ZNF414: variants seen among roughly 807,000 people sequenced by gnomAD.
ZNF414 encodes the protein zinc finger protein 414.
ZNF414 carries 32 observed loss-of-function variants against 38.3 expected under a neutral mutation model. The ratio of observed to expected loss-of-function variants is 0.83; its 90% CI spans 0.63 to 1.12. The LOEUF (loss-of-function observed/expected upper bound fraction) is 1.12. ZNF414 is among the 50% of genes most tolerant of loss of function. The probability of loss-of-function intolerance (pLI) is 0.00; values close to 1 mark genes in which losing one functional copy is unlikely to be tolerated. For missense variants in ZNF414, 589 were observed against 557.4 expected (o/e 1.06, Z -0.57); for synonymous variants, 256 against 248.0 (o/e 1.03, Z -0.30).
At chr19:8,511,334 A>T (rs1971909903) in intron 6 of ZNF414, 152 bp downstream of exon 6, 1 of 1,451,798 alleles carries the variant, frequency 6.9e-7, no homozygotes, top group East Asian at 2.6e-5. Flanking sequence ...GGTGCCAGTC[A>T]TTTTTAAGGC....
At position 8,511,945 on chromosome 19, in the gene ZNF414, G is replaced by C. The variant is rs570050967; in HGVS notation, c.546C>G (p.Leu182=). Residue 182 remains leucine (L), a synonymous_variant, in exon 5 of 8, where the codon CTC becomes CTG. Coordinates refer to ENST00000393927, the MANE Select transcript of ZNF414 (RefSeq NM_001146175.2). ...GCGAGCGGTGCGTGCGGAAGCGCAG[G>C]AGGCAGTTCTCACACCTGGAGGTGG... ...PNRYFKCENC[L]LRFRTHRSLF... 5.3e-5 allele frequency: 75 copies of C among 1,419,590 alleles called. No homozygotes were observed. The highest frequency in any genetic ancestry group is 6.8e-5 in the Non-Finnish European group (74 of 1,095,660). The allele number at this position is 1,419,590 out of a possible 1,614,324, so 87.9% of individuals were successfully genotyped here.
chr19:8,511,331 G>C lies in ZNF414; in HGVS notation c.925+155C>G, dbSNP rs538209989. The C allele has an allele frequency of 7.6e-6, 11 of 1,450,030 alleles. 1 individual carries two copies. The African/African-American group carries it at 1.4e-4, about 19-fold the overall frequency. The allele number at this position is 1,450,030 out of a possible 1,614,324, so 89.8% of individuals were successfully genotyped here. A position where few individuals can be genotyped will look rare whatever the true frequency, so the allele number is the denominator to read the frequency against. ...GGCGCAGATGAAGGCGCAGGTGCCA[G>C]TCATTTTTAAGGCAAAAATCCTGTA... On this transcript the variant is annotated intron_variant, in intron 6 of 7. Transcript: ENST00000393927.
Position 8,511,633 on chromosome 19 carries a change from GA to G in ZNF414, c.857del (p.Val286AlafsTer55). 1 of 1,508,562 alleles carries G rather than the reference GA, an allele frequency of 6.6e-7. No homozygotes were observed. The highest frequency in any genetic ancestry group is 8.8e-7 in the Non-Finnish European group (1 of 1,132,424). 93.4% of individuals were successfully genotyped at this position (1,508,562 alleles called of 1,614,324 possible). A position where few individuals can be genotyped will look rare whatever the true frequency, so the allele number is the denominator to read the frequency against. On this transcript the variant is annotated frameshift_variant, in exon 5 of 8. Coordinates refer to ENST00000393927, the MANE Select transcript of ZNF414 (RefSeq NM_001146175.2). LOFTEE classifies it high-confidence loss of function. ...CACACTCACCTTGGCTCTTTTTCCA[GA>G]CGGCGGCGCTGGAAGCCGGCGGCCC... is the stretch of plus-strand genomic sequence containing the variant. ...APGPPASSAA[V>X]WKKSQGAGSS...
rs1458293998 is a variant in ZNF414, at chr19:8,510,352, G to A, written c.*339C>T. 8.4e-6 allele frequency: 2 copies of A among 237,264 alleles called. No homozygotes were observed. The highest frequency in any genetic ancestry group is 1.1e-4 in the Admixed American group (2 of 17,776). 14.7% of individuals were successfully genotyped at this position (237,264 alleles called of 1,614,324 possible). A position where few individuals can be genotyped will look rare whatever the true frequency, so the allele number is the denominator to read the frequency against. ...AACTGGAGAGTCCCCATCCCATTTG[G>A]TTTCTGGACAAGGGAGAACGCTGCC... On this transcript the variant is annotated 3_prime_UTR_variant, in exon 8 of 8. Transcript: ENST00000393927.
At chr19:8,513,963 C>T (rs1195486343) in intron 1 of ZNF414, 81 bp downstream of exon 1, 2 of 1,328,144 alleles carry the variant, frequency 1.5e-6, no homozygotes, top group African/African-American at 1.5e-5. Context: ...CGGGGTCGGC[C>T]GGAGGCTGTA....
chr19:8,511,842 G>T lies in ZNF414; in HGVS notation c.649C>A (p.Pro217Thr). Reference protein sequence around the residue: ...PPPPPALDREPPAPERPPEVD... With the variant: ...PPPPPALDRETPAPERPPEVD... ...TCCGGGGGGCGCTCCGGCGCGGGCG[G>T]CTCTCGGTCCAGGGCCGGGGGTGGC... Residue 217 changes from proline to threonine, a missense_variant, in exon 5 of 8, where the codon CCG becomes ACG. By Grantham distance (38) the Pro-to-Thr change is conservative. Transcript: ENST00000393927. 1 of 1,401,248 alleles carries T rather than the reference G, an allele frequency of 7.1e-7. No homozygotes were observed. Among genetic ancestry groups the T allele is most frequent in the Non-Finnish European group, 9.2e-7 (1 of 1,086,040 alleles). 86.8% of individuals were successfully genotyped at this position (1,401,248 alleles called of 1,614,324 possible).
chr19:8,512,653 G>A lies in ZNF414; in HGVS notation c.375C>T (p.Asp125=), dbSNP rs1260006046. ...AGTGGGTTCGCAGATGCTGTGCCAG[G>A]TCACGGACGCTGGGAAAACTGAGGC... ...GCCLSFPSVR[D]LAQHLRTHCP... The change falls in exon 3 of 8, where the codon GAC becomes GAT. Residue 125 remains aspartate (D), a synonymous_variant. Transcript: ENST00000393927. 6.3e-7 allele frequency: 1 copy of A among 1,591,478 alleles called. No homozygotes were observed. Among genetic ancestry groups the A allele is most frequent in the Admixed American group, 1.8e-5 (1 of 55,934 alleles).
rs1971898663 is a variant in ZNF414, at chr19:8,510,554, T to C, written c.*137A>G. On this transcript the variant is annotated 3_prime_UTR_variant, in exon 8 of 8. Coordinates refer to ENST00000393927, the MANE Select transcript of ZNF414 (RefSeq NM_001146175.2). ...GGGCTCGAGCCCACTATGCTTTGGATGGACAAGGGATGGGAACACAGCATA... is the reference window on the plus strand; with the variant it reads ...GGGCTCGAGCCCACTATGCTTTGGACGGACAAGGGATGGGAACACAGCATA... 9.8e-7 allele frequency: 1 copy of C among 1,022,056 alleles called. No individual in the cohort carries two copies. Among genetic ancestry groups the C allele is most frequent in the Non-Finnish European group, 1.4e-6 (1 of 724,650 alleles). The allele number at this position is 1,022,056 out of a possible 1,614,324, so 63.3% of individuals were successfully genotyped here. A position where few individuals can be genotyped will look rare whatever the true frequency, so the allele number is the denominator to read the frequency against.
chr19:8,510,294 G>GA lies in ZNF414; in HGVS notation c.*396dup, dbSNP rs1200184003. On this transcript the variant is annotated 3_prime_UTR_variant, in exon 8 of 8. Coordinates refer to ENST00000393927, the MANE Select transcript of ZNF414 (RefSeq NM_001146175.2). ...GACAGAGCAAGACTGTCTCAAAAAA[G>GA]AAAAAAAAAAAAAGAAAAAAAAAAA... The GA allele has an allele frequency of 0.019, 477 of 25,544 alleles. 7 individuals are homozygous for GA. Among genetic ancestry groups the GA allele is most frequent in the African/African-American group, 0.042 (391 of 9,410 alleles). The allele number at this position is 25,544 out of a possible 1,614,324, so 1.6% of individuals were successfully genotyped here. A position where few individuals can be genotyped will look rare whatever the true frequency, so the allele number is the denominator to read the frequency against.
At position 8,510,700 on chromosome 19, in the gene ZNF414, C is replaced by T. The variant is rs1036568826; in HGVS notation, c.1164G>A (p.Ser388=). The change falls in exon 8 of 8, where the codon TCG becomes TCA. Residue 388 remains serine, a synonymous_variant. Transcript: ENST00000393927. ...CCCAAAGCGGCGGGATTCAGAGCTGCGAGAACACTGGAAGCTCCCCCTCTG... is the reference window on the plus strand; with the variant it reads ...CCCAAAGCGGCGGGATTCAGAGCTGTGAGAACACTGGAAGCTCCCCCTCTG... The part of the protein sequence containing the change: ...LLSEGELPVF[S]QL The T allele has an allele frequency of 1.0e-5, 16 of 1,547,514 alleles. No homozygotes were observed. Among genetic ancestry groups the T allele is most frequent in the African/African-American group, 1.4e-5 (1 of 72,854 alleles).
intron 1 of ZNF414, 26 bp downstream of exon 1, chr19:8,514,018 G>C: frequency 6.9e-7 from 1 of 1,451,346 alleles, no homozygotes; most frequent in Non-Finnish European, 9.1e-7. Context: ...GCTCCGCCGC[G>C]CCCGCGACCC....
chr19:8,511,396 G>C, intron 6 of ZNF414, 90 bp downstream of exon 6: 2 of 1,537,502 alleles, frequency 1.3e-6, no homozygotes, highest in Non-Finnish European at 1.7e-6. Context: ...GGAAGGGGAT[G>C]AGCACTGCTG....
Position 8,511,745 on chromosome 19 carries a change from G to C in ZNF414, c.746C>G (p.Pro249Arg), listed in dbSNP as rs200518876. ...CAAGTAGGGCAGGAACGGTCCGGTG[G>C]GGGCAGGGGCGGGGGTCGTGAAGGG... ...LEPFTTPAPA[P>R]TGPFLPYLNP... is the part of the protein sequence containing the mutation. Residue 249 changes from proline to arginine, a missense_variant, in exon 5 of 8, where the codon CCC (proline) becomes CGC (arginine). Pro to Arg is a moderately radical substitution (Grantham distance 103, BLOSUM62 -2). Transcript: ENST00000393927. 3.4e-6 allele frequency: 5 copies of C among 1,456,218 alleles called. No individual in the cohort carries two copies. Among genetic ancestry groups the C allele is most frequent in the Non-Finnish European group, 4.5e-6 (5 of 1,111,864 alleles). The allele number at this position is 1,456,218 out of a possible 1,614,324, so 90.2% of individuals were successfully genotyped here.
chr19:8,510,485 G>A lies in ZNF414; in HGVS notation c.*206C>T. On this transcript the variant is annotated 3_prime_UTR_variant, in exon 8 of 8. Transcript: ENST00000393927. ...GGTGGGCTGTGAGGCCTGCACCTGTGGACCCAGGTGGTCCTCCCAAGATGT... is the reference window on the plus strand; with the variant it reads ...GGTGGGCTGTGAGGCCTGCACCTGTAGACCCAGGTGGTCCTCCCAAGATGT... 1 of 455,284 alleles carries A rather than the reference G, an allele frequency of 2.2e-6. No homozygotes were observed. The highest frequency in any genetic ancestry group is 3.6e-5 in the South Asian group (1 of 27,540). The allele number at this position is 455,284 out of a possible 1,614,324, so 28.2% of individuals were successfully genotyped here.
Position 8,510,958 on chromosome 19 carries a change from G to A in ZNF414, c.992C>T (p.Ala331Val). 4 of 1,256,554 alleles carry A rather than the reference G, an allele frequency of 3.2e-6. 1 individual carries two copies. In the Admixed American group the frequency reaches 1.2e-4, roughly 39 times the overall value. 77.8% of individuals were successfully genotyped at this position (1,256,554 alleles called of 1,614,324 possible). A position where few individuals can be genotyped will look rare whatever the true frequency, so the allele number is the denominator to read the frequency against. The change falls in exon 7 of 8, where the codon GCC becomes GTC. Residue 331 changes from alanine to valine, a missense_variant. Physicochemically the swap from Ala to Val is moderately conservative, Grantham distance 64. Coordinates refer to ENST00000393927, the MANE Select transcript of ZNF414 (RefSeq NM_001146175.2). ...GGCGGGCCGCGAGGCCGTGGAGAAG[G>A]CGCACTGCATGCACGAGTAGCGGCC... ...TRGRYSCMQCAFSTASRPAMT... is the reference protein window; with the variant it reads ...TRGRYSCMQCVFSTASRPAMT...
chr19:8,514,034 C>A lies in ZNF414; in HGVS notation c.3+10G>T, dbSNP rs1235003511. On this transcript the variant is annotated intron_variant, in intron 1 of 7. Transcript: ENST00000393927. ...CTCCGCCGCGCCCGCGACCCCGGTG[C>A]CGCGCTCACCATCTTCGACACGGCT... 22 of 1,468,598 alleles carry A rather than the reference C, an allele frequency of 1.5e-5. No homozygotes were observed. Among genetic ancestry groups the A allele is most frequent in the Non-Finnish European group, 2.0e-5 (22 of 1,110,754 alleles). The allele number at this position is 1,468,598 out of a possible 1,614,324, so 91.0% of individuals were successfully genotyped here.
At position 8,512,665 on chromosome 19, in the gene ZNF414, G is replaced by C; in HGVS notation, c.363C>G (p.Pro121=). The change falls in exon 3 of 8, where the codon CCC becomes CCG. Residue 121 remains proline, a synonymous_variant. Coordinates refer to ENST00000393927, the MANE Select transcript of ZNF414 (RefSeq NM_001146175.2). The part of the protein sequence containing the change: ...CSSPGCCLSF[P]SVRDLAQHLR... ...GATGCTGTGCCAGGTCACGGACGCT[G>C]GGAAAACTGAGGCAGCAGCCAGGGC... The C allele has an allele frequency of 6.3e-7, 1 of 1,586,474 alleles. No homozygotes were observed.
chr19:8,511,198 C>T, intron 6 of ZNF414, 174 bp from the exon 7 acceptor site: 1 of 1,316,164 alleles, frequency 7.6e-7, no homozygotes, highest in Non-Finnish European at 9.7e-7. Context: ...TGGGGGCACC[C>T]AACTTGGCTT....
At position 8,511,819 on chromosome 19, in the gene ZNF414, C is replaced by CG. The variant is rs1555715916; in HGVS notation, c.671dup (p.Glu225GlyfsTer3). The CG allele has an allele frequency of 7.2e-7, 1 of 1,389,750 alleles. No individual in the cohort carries two copies. The allele number at this position is 1,389,750 out of a possible 1,614,324, so 86.1% of individuals were successfully genotyped here. ...CCGGCGCTGATGCGGGGTCAACCTC[C>CG]GGGGGGCGCTCCGGCGCGGGCGGCT... On this transcript the variant is annotated frameshift_variant, in exon 5 of 8. Coordinates refer to ENST00000393927, the MANE Select transcript of ZNF414 (RefSeq NM_001146175.2). LOFTEE classifies it high-confidence loss of function.
Sources: allele counts gnomAD v4.1 joint callset, GRCh38; gene constraint gnomAD v4.1.1; transcripts MANE v1.5; gene names NCBI Gene and HGNC (gene_info 2026-07-23, HGNC 2026-07-21).